Variants in SGMS1 observed in about 807,000 individuals in gnomAD.
The protein encoded by SGMS1 is sphingomyelin synthase 1.
In SGMS1, 13 loss-of-function variants were observed where a neutral mutation model predicts 46.2. The observed-to-expected ratio is 0.28, with a 90% CI of 0.18 to 0.45. The LOEUF (loss-of-function observed/expected upper bound fraction) is 0.45, where lower values mean the gene tolerates loss of function less well. Among genes scored for constraint, SGMS1 ranks in the 20% least tolerant of loss-of-function variants. SGMS1 has a pLI of 1.00. For synonymous variants in SGMS1, 203 were observed against 187.8 expected, an observed-to-expected ratio of 1.08 and a Z score of -0.66; for missense variants, 324 against 519.9, an observed-to-expected ratio of 0.62 and a Z score of 3.66.
chr10:50,404,028 T>C (rs889597501), intron 6 of SGMS1, among the ~76,000 whole-genome samples: 1 of 151,730 alleles, frequency 6.6e-6, no homozygotes, highest in African/African-American at 2.4e-5. Flanking sequence ...ACATATGAAA[T>C]AGGATGAATT....
At chr10:50,624,886 C>CG, upstream of SGMS1, 1 of 999,968 alleles carries the variant, frequency 1.0e-6, no homozygotes, top group Non-Finnish European at 1.2e-6. Context: ...ACTTGGCGAG[C>CG]GGGGGAAGGG....
intron 2 of SGMS1, among the ~76,000 whole-genome samples, chr10:50,568,487 C>G (rs144354133): frequency 2.0e-5 from 3 of 152,216 alleles, no homozygotes; most frequent in Admixed American, 2.0e-4. Flanking sequence ...GAATTCCCAT[C>G]ATTCCCATCC....
At chr10:50,597,369 G>C (rs1838604034) in intron 1 of SGMS1, among the ~76,000 whole-genome samples, 1 of 152,202 alleles carries the variant, frequency 6.6e-6, no homozygotes, top group African/African-American at 2.4e-5. Context: ...TTCATATTCT[G>C]CTGCTGGGAA....
intron 8 of SGMS1, among the ~76,000 whole-genome samples, chr10:50,322,449 C>A (rs1231218053): frequency 6.6e-6 from 1 of 152,192 alleles, no homozygotes; most frequent in Non-Finnish European, 1.5e-5. Flanking sequence ...ACAGGAAAAA[C>A]CTTACCAACG....
intron 3 of SGMS1, among the ~76,000 whole-genome samples, chr10:50,467,281 TAAAG>T (rs1837338994): frequency 1.3e-5 from 2 of 152,064 alleles, no homozygotes; most frequent in South Asian, 4.1e-4. Flanking sequence ...ATAAAAAAGA[TAAAG>T]AAGCAAGAAA....
chr10:50,452,888 T>C (rs1248127467), intron 5 of SGMS1, among the ~76,000 whole-genome samples: 1 of 152,240 alleles, frequency 6.6e-6, no homozygotes, highest in Non-Finnish European at 1.5e-5. Context: ...AGTATTTATG[T>C]TGTTTTGTGG....
At chr10:50,564,887 G>A (rs144687021) in intron 2 of SGMS1, among the ~76,000 whole-genome samples, 2 of 151,378 alleles carry the variant, frequency 1.3e-5, no homozygotes, top group African/African-American at 4.9e-5. Context: ...TATTTAAAAG[G>A]GCTACGTTCA....
chr10:50,421,047 G>A (rs972260964), intron 6 of SGMS1, among the ~76,000 whole-genome samples: 3 of 152,208 alleles, frequency 2.0e-5, no homozygotes, highest in South Asian at 4.1e-4. Flanking sequence ...AATGACCAAT[G>A]TGGTTAGAAC....
At chr10:50,614,750 T>C (rs763764962) in intron 1 of SGMS1, among the ~76,000 whole-genome samples, 2 of 152,264 alleles carry the variant, frequency 1.3e-5, no homozygotes, top group Non-Finnish European at 2.9e-5. Flanking sequence ...CAACGCTTTA[T>C]GTAAAGGTAC....
chr10:50,451,981 A>T (rs180771535), intron 5 of SGMS1, among the ~76,000 whole-genome samples: 1 of 152,330 alleles, frequency 6.6e-6, no homozygotes, highest in Non-Finnish European at 1.5e-5. Flanking sequence ...GGACTAAGGT[A>T]CTACAGAGTC....
chr10:50,530,258 T>C (rs1346497536), intron 2 of SGMS1, among the ~76,000 whole-genome samples: 1 of 152,208 alleles, frequency 6.6e-6, no homozygotes, highest in Non-Finnish European at 1.5e-5. Flanking sequence ...TGTCCAAAAA[T>C]CTTAAAGACA....
At chr10:50,460,403 C>T (rs900487665) in intron 5 of SGMS1, among the ~76,000 whole-genome samples, 1 of 152,180 alleles carries the variant, frequency 6.6e-6, no homozygotes, top group Non-Finnish European at 1.5e-5. Context: ...TTTGCTATCA[C>T]TTTCATGTGA....
chr10:50,623,166 G>A (rs1356582942), intron 1 of SGMS1, among the ~76,000 whole-genome samples: 2 of 152,076 alleles, frequency 1.3e-5, no homozygotes, highest in African/African-American at 4.8e-5. Flanking sequence ...GGCATCGAGG[G>A]GCTACGGTGG....
At chr10:50,575,773 A>G (rs1168644840) in intron 2 of SGMS1, among the ~76,000 whole-genome samples, 1 of 152,184 alleles carries the variant, frequency 6.6e-6, no homozygotes, top group Non-Finnish European at 1.5e-5. Flanking sequence ...TTATATCTCA[A>G]TAAGGCTAGG....
chr10:50,552,579 T>C (rs957309327), intron 2 of SGMS1, among the ~76,000 whole-genome samples: 1 of 152,200 alleles, frequency 6.6e-6, no homozygotes, highest in Non-Finnish European at 1.5e-5. Context: ...AACATCTGTG[T>C]CCTGCAAAAC....
intron 2 of SGMS1, among the ~76,000 whole-genome samples, chr10:50,522,412 T>C (rs1837864408): frequency 6.6e-6 from 1 of 152,208 alleles, no homozygotes; most frequent in South Asian, 2.1e-4. Context: ...CACTGGTTCC[T>C]TTCCAAGGAG....
intron 6 of SGMS1, among the ~76,000 whole-genome samples, chr10:50,395,082 A>C (rs1848829437): frequency 6.6e-6 from 1 of 152,230 alleles, no homozygotes; most frequent in South Asian, 2.1e-4. Flanking sequence ...TAACAAGAGC[A>C]ACATCAAGCC....
intron 2 of SGMS1, among the ~76,000 whole-genome samples, chr10:50,535,862 T>C (rs1018823931): frequency 6.6e-6 from 1 of 152,214 alleles, no homozygotes; most frequent in African/African-American, 2.4e-5. Flanking sequence ...CACTCAGACA[T>C]GAATGTATTA....
intron 3 of SGMS1, among the ~76,000 whole-genome samples, chr10:50,514,262 A>G (rs770865333): frequency 6.6e-6 from 1 of 152,198 alleles, no homozygotes; most frequent in Non-Finnish European, 1.5e-5. Context: ...TTGTCTACCT[A>G]CCATGTATAC....
Sources: allele counts gnomAD v4.1 joint callset (sites outside exome capture counted in the v4.1 genomes callset), GRCh38; gene constraint gnomAD v4.1.1; transcripts MANE v1.5; gene names NCBI Gene and HGNC (gene_info 2026-07-23, HGNC 2026-07-21).